Variants in PRIMPOL observed in about 807,000 individuals in gnomAD.
PRIMPOL encodes primase and DNA directed polymerase, also known as DNA-directed primase/polymerase protein.
Under a neutral mutation model 63.6 loss-of-function variants are expected in PRIMPOL, and 54 were observed. The ratio of observed to expected loss-of-function variants is 0.85; its 90% CI spans 0.68 to 1.07. The LOEUF (loss-of-function observed/expected upper bound fraction) is 1.07, where lower values mean the gene tolerates loss of function less well. PRIMPOL is among the 50% of genes least tolerant of loss of function. PRIMPOL has a pLI of 0.00. For synonymous variants in PRIMPOL, 197 were observed against 220.2 expected (o/e 0.89, Z 0.93); for missense variants, 610 against 648.3 (o/e 0.94, Z 0.64).
chr4:184,661,566 C>T (rs1002675192), intron 4 of PRIMPOL, among the ~76,000 whole-genome samples: 2 of 151,900 alleles, frequency 1.3e-5, no homozygotes, highest in African/African-American at 4.8e-5. Flanking sequence ...ATTAACCAGG[C>T]GTGGTGGCGT....
At position 184,694,867 on chromosome 4, in the gene PRIMPOL, AT is replaced by A; in HGVS notation, c.*89del. On this transcript the variant is annotated 3_prime_UTR_variant, in exon 14 of 14. Transcript: ENST00000314970. ...TAAATATATCATTCAACCTGTTTAT[AT>A]AAACTAAGTTTTATTACTTTGCTTT... The A allele has an allele frequency of 8.7e-7, 1 of 1,154,042 alleles. No homozygotes were observed. Among genetic ancestry groups the A allele is most frequent in the Admixed American group, 2.4e-5 (1 of 41,078 alleles). 71.5% of individuals were successfully genotyped at this position (1,154,042 alleles called of 1,614,324 possible).
chr4:184,667,322 T>TTG lies in PRIMPOL; in HGVS notation c.556+1259_556+1260insGT, dbSNP rs373737961. 3.3e-5 allele frequency among the ~76,000 whole-genome samples: 5 copies of TTG among 151,478 alleles called. No individual in the cohort carries two copies. The East Asian group carries it at 9.7e-4, about 29-fold the overall frequency. ...ATGGAGAACAGTGAAAGTGAGACTT[T>TTG]TTTTTTGAGACAGAGTCTCGCTCTG... is the stretch of plus-strand genomic sequence containing the variant. On this transcript the variant is annotated intron_variant, in intron 6 of 13. Coordinates refer to ENST00000314970, the MANE Select transcript of PRIMPOL (RefSeq NM_152683.4).
At position 184,661,773 on chromosome 4, in the gene PRIMPOL, GA is replaced by G. The variant is rs751771551; in HGVS notation, c.284del (p.Asn95IlefsTer62). 6 of 1,586,272 alleles carry G rather than the reference GA, an allele frequency of 3.8e-6. No homozygotes were observed. Among genetic ancestry groups the G allele is most frequent in the Admixed American group, 1.7e-5 (1 of 57,928 alleles). ...TAACAATCTTGAATTATTCAATTTA[GA>G]AAAAATCTCTTACACTGCTATGAAG... ...YAEFWFYYKSRKNLLHCYEVI... is the reference protein window; with the variant it reads ...YAEFWFYYKSXKNLLHCYEVI... On this transcript the variant is annotated frameshift_variant and splice_region_variant, in exon 5 of 14. Transcript: ENST00000314970. LOFTEE classifies it high-confidence loss of function.
Position 184,678,360 on chromosome 4 carries a change from C to G in PRIMPOL, c.973C>G (p.Gln325Glu). ...GTCAAAAGATGTTTCTGACGAATATCAATATTTTCTCTCTTCTTTGGTCAG... is the reference window on the plus strand; with the variant it reads ...GTCAAAAGATGTTTCTGACGAATATGAATATTTTCTCTCTTCTTTGGTCAG... ...IQSKDVSDEY[Q>E]YFLSSLVSNV... is the part of the protein sequence containing the mutation. Residue 325 changes from glutamine (Q) to glutamate (E), a missense_variant, in exon 8 of 14, where the codon CAA becomes GAA. This residue lies in a region of PRIMPOL where 444 missense variants were observed against 456.4 expected (regional missense o/e 0.97). Transcript: ENST00000314970. The G allele has an allele frequency of 6.2e-7, 1 of 1,606,554 alleles. No homozygotes were observed. The highest frequency in any genetic ancestry group is 1.1e-5 in the South Asian group (1 of 89,012).
intron 13 of PRIMPOL, among the ~76,000 whole-genome samples, chr4:184,692,974 G>A (rs185234301): frequency 4.6e-5 from 7 of 152,156 alleles, no homozygotes; most frequent in South Asian, 2.1e-4. Context: ...TGTTTTTGAC[G>A]TATTTCACTT....
At position 184,669,736 on chromosome 4, in the gene PRIMPOL, C is replaced by T. The variant is rs143338818; in HGVS notation, c.557-2437C>T. Among the ~76,000 whole-genome samples the T allele has an allele frequency of 7.7e-4, 118 of 152,276 alleles. 1 individual carries two copies. Among genetic ancestry groups the T allele is most frequent in the Admixed American group, 3.8e-3 (58 of 15,304 alleles). ...AAGCAAAACTATAGAGATAAGAGTG[C>T]GTGGCTCATTTGGGGACAGTGAATG... On this transcript the variant is annotated intron_variant, in intron 6 of 13. Coordinates refer to ENST00000314970, the MANE Select transcript of PRIMPOL (RefSeq NM_152683.4).
chr4:184,686,701 A>C (rs771970971), intron 11 of PRIMPOL, among the ~76,000 whole-genome samples: 3 of 152,158 alleles, frequency 2.0e-5, no homozygotes, highest in Non-Finnish European at 4.4e-5. Context: ...ATCCTCAAGC[A>C]TATGCGGCCT....
chr4:184,661,732 GTATAA>G, intron 4 of PRIMPOL, 37 bp from the exon 5 acceptor site: 1 of 1,322,872 alleles, frequency 7.6e-7, no homozygotes. Context: ...ATCAATAAAG[GTATAA>G]TATATCAATT....
At chr4:184,694,117 C>A in intron 13 of PRIMPOL, 1 of 547,720 alleles carries the variant, frequency 1.8e-6, no homozygotes, top group Non-Finnish European at 2.3e-6. Flanking sequence ...TTTTTCAATC[C>A]ATGTTTACGA....
chr4:184,671,943 T>G (rs1451550976), intron 6 of PRIMPOL, among the ~76,000 whole-genome samples: 1 of 151,940 alleles, frequency 6.6e-6, no homozygotes, highest in Non-Finnish European at 1.5e-5. Flanking sequence ...GGTTTCACCG[T>G]GTTAACCAGG....
intron 9 of PRIMPOL, among the ~76,000 whole-genome samples, chr4:184,684,636 G>A (rs952196209): frequency 3.3e-5 from 5 of 152,106 alleles, no homozygotes; most frequent in African/African-American, 9.7e-5. Context: ...CACACCATGG[G>A]AAACTTCAGT....
rs575778073 is a variant in PRIMPOL, at chr4:184,693,427, G to A, written c.1426-1095G>A. On this transcript the variant is annotated intron_variant, in intron 13 of 13. Coordinates refer to ENST00000314970, the MANE Select transcript of PRIMPOL (RefSeq NM_152683.4). Reference sequence around the variant, plus strand: ...GCCAAGTTGAAAGTACCATTGGTCAGTATTACCACTACTTGGACATAACTT... The same window carrying A: ...GCCAAGTTGAAAGTACCATTGGTCAATATTACCACTACTTGGACATAACTT... Among the ~76,000 whole-genome samples, 3 of 152,240 alleles carry A rather than the reference G, an allele frequency of 2.0e-5. No homozygotes were observed. In the East Asian group the frequency reaches 5.8e-4, roughly 29 times the overall value.
At chr4:184,675,358 A>T (rs1753010794) in intron 7 of PRIMPOL, among the ~76,000 whole-genome samples, 1 of 152,258 alleles carries the variant, frequency 6.6e-6, no homozygotes, top group African/African-American at 2.4e-5. Context: ...ATTTTATGAC[A>T]GTAAATGATA....
chr4:184,661,150 C>T (rs1408718010), intron 4 of PRIMPOL, among the ~76,000 whole-genome samples: 2 of 151,958 alleles, frequency 1.3e-5, no homozygotes, highest in Non-Finnish European at 2.9e-5. Flanking sequence ...TTCATGGTGA[C>T]ACTAAAAACA....
rs543148281 is a variant in PRIMPOL, at chr4:184,664,640, A to G, written c.409-1277A>G. Among the ~76,000 whole-genome samples the G allele has an allele frequency of 2.0e-5, 3 of 152,298 alleles. No homozygotes were observed. In the South Asian group the frequency reaches 6.2e-4, roughly 32 times the overall value. On this transcript the variant is annotated intron_variant, in intron 5 of 13. Transcript: ENST00000314970. Reference sequence around the variant, plus strand: ...TTAGAGGATCACTTAGAAGTGGCATACTTTCCTTCTCACGTCCCATTGGCC... The same window carrying G: ...TTAGAGGATCACTTAGAAGTGGCATGCTTTCCTTCTCACGTCCCATTGGCC...
chr4:184,652,641 A>G (rs1246737070), intron 2 of PRIMPOL, among the ~76,000 whole-genome samples: 1 of 152,206 alleles, frequency 6.6e-6, no homozygotes, highest in Non-Finnish European at 1.5e-5. Flanking sequence ...CTTTATAATA[A>G]ATACTTTAGC....
intron 11 of PRIMPOL, among the ~76,000 whole-genome samples, chr4:184,690,546 G>A (rs2705884): frequency 0.18 from 26,781 of 151,990 alleles, 3,533 homozygotes; most frequent in East Asian, 0.7. Context: ...TGCAACCTCC[G>A]CCTCCCAGGT....
intron 7 of PRIMPOL, among the ~76,000 whole-genome samples, chr4:184,675,251 T>G (rs1220970855): frequency 6.6e-6 from 1 of 152,216 alleles, no homozygotes; most frequent in Non-Finnish European, 1.5e-5. Flanking sequence ...AAAACATTTG[T>G]TTAGATTTTT....
At chr4:184,657,418 C>T in intron 3 of PRIMPOL, 98 bp downstream of exon 3, 1 of 1,009,632 alleles carries the variant, frequency 9.9e-7, no homozygotes, top group South Asian at 1.9e-5. Flanking sequence ...AAAAAAAAGT[C>T]TATTATTTGT....
Sources: gnomAD v4.1 joint callset for allele counts (sites outside exome capture counted in the v4.1 genomes callset) on GRCh38, gnomAD v4.1.1 for gene constraint, gnomAD v4.1.1 regional missense constraint, MANE v1.5 for transcripts, NCBI Gene and HGNC (gene_info 2026-07-23, HGNC 2026-07-21) for gene names.